EPHA4: variants seen among roughly 807,000 people sequenced by gnomAD.
EPHA4 encodes the protein EPH receptor A4.
Under a neutral mutation model 108.3 loss-of-function variants are expected in EPHA4, and 19 were observed. The observed-to-expected ratio is 0.18, with a 90% CI of 0.12 to 0.26. The LOEUF (loss-of-function observed/expected upper bound fraction) is 0.26. EPHA4 is among the 10% of genes least tolerant of loss of function. The pLI is 1.00. For synonymous variants in EPHA4, 449 were observed against 455.5 expected (o/e 0.99, Z 0.18); for missense variants, 917 against 1,254.0 (o/e 0.73, Z 4.06).
chr2:221,457,989 T>C lies in EPHA4; in HGVS notation c.1320A>G (p.Ala440=). The C allele has an allele frequency of 6.2e-7, 1 of 1,606,892 alleles. No individual in the cohort carries two copies. The highest frequency in any genetic ancestry group is 8.5e-7 in the Non-Finnish European group (1 of 1,177,872). ...VSVTVTTNQA[A]PSSIALVQAK... ...CCTGGACCAAAGCAATGGATGATGG[T>C]GCTGTTAGAAAAAAACAAAAGACAA... is the stretch of plus-strand genomic sequence containing the variant. The change falls in exon 6 of 18, where the codon GCA becomes GCG. Residue 440 remains alanine (A), a splice_region_variant and synonymous_variant. Coordinates refer to ENST00000281821, the MANE Select transcript of EPHA4 (RefSeq NM_004438.5).
chr2:221,522,735 CTATT>C (rs1693198870), intron 3 of EPHA4, among the ~76,000 whole-genome samples: 1 of 148,666 alleles, frequency 6.7e-6, no homozygotes, highest in Non-Finnish European at 1.5e-5. Context: ...AAATAAAATC[CTATT>C]ATTATTATTA....
chr2:221,522,805 C>A (rs1360930735), intron 3 of EPHA4, among the ~76,000 whole-genome samples: 1 of 151,256 alleles, frequency 6.6e-6, no homozygotes, highest in Non-Finnish European at 1.5e-5. Flanking sequence ...CTCAGTTGCC[C>A]AGGCTGGAGT....
chr2:221,554,892 A>G (rs1427823145), intron 3 of EPHA4, among the ~76,000 whole-genome samples: 2 of 152,154 alleles, frequency 1.3e-5, no homozygotes, highest in African/African-American at 2.4e-5. Context: ...GAGCTCTGAC[A>G]ATTCTTTTTC....
intron 3 of EPHA4, among the ~76,000 whole-genome samples, chr2:221,538,058 C>T (rs545553767): frequency 9.8e-6 from 1 of 101,750 alleles, no homozygotes; most frequent in Non-Finnish European, 2.0e-5. Context: ...AGTATACTGC[C>T]CAGCAAAACT....
intron 5 of EPHA4, 79 bp from the exon 6 acceptor site, chr2:221,458,069 A>G: frequency 2.0e-6 from 3 of 1,536,208 alleles, no homozygotes; most frequent in Non-Finnish European, 2.6e-6. Context: ...AAATAATTTC[A>G]TCTTATTTAA....
chr2:221,456,589 C>T (rs1016875417), intron 7 of EPHA4, 24 bp downstream of exon 7: 1 of 1,610,580 alleles, frequency 6.2e-7, no homozygotes, highest in Non-Finnish European at 8.5e-7. Flanking sequence ...TCAGAAGTGA[C>T]TGAGTCTGGG....
chr2:221,437,322 G>C (rs1690270703), intron 11 of EPHA4, 200 bp from the exon 12 acceptor site: 1 of 487,208 alleles, frequency 2.1e-6, no homozygotes, highest in Non-Finnish European at 3.6e-6. Context: ...ATTCCATCTG[G>C]ATAGTTAAAC....
intron 3 of EPHA4, among the ~76,000 whole-genome samples, chr2:221,549,301 G>T (rs1161906722): frequency 6.6e-6 from 1 of 152,180 alleles, no homozygotes; most frequent in Admixed American, 6.5e-5. Flanking sequence ...TGTGAAAAAT[G>T]AAACTTTCCA....
In EPHA4 at chr2:221,492,871, T is replaced by C. The variant is rs541479656; in HGVS notation, c.979+8146A>G. Among the ~76,000 whole-genome samples, 14 of 152,330 alleles carry C rather than the reference T, an allele frequency of 9.2e-5. 1 individual carries two copies. The South Asian group carries it at 2.9e-3, about 32-fold the overall frequency. On this transcript the variant is annotated intron_variant, in intron 4 of 17. Transcript: ENST00000281821. ...GTTGGTGTCTCAATCTGAGTTTTTG[T>C]CCTATGACAAATGGAATGCAGTATG...
At chr2:221,426,943 C>T (rs908077487) in intron 15 of EPHA4, among the ~76,000 whole-genome samples, 1 of 152,176 alleles carries the variant, frequency 6.6e-6, no homozygotes, top group African/African-American at 2.4e-5. Flanking sequence ...ATGGCCGAAA[C>T]CTGTTCAATC....
intron 3 of EPHA4, among the ~76,000 whole-genome samples, chr2:221,558,026 C>T (rs533133485): frequency 4.6e-5 from 7 of 152,008 alleles, no homozygotes; most frequent in African/African-American, 9.7e-5. Flanking sequence ...CTACCAATAA[C>T]GAAAACATTA....
intron 5 of EPHA4, among the ~76,000 whole-genome samples, chr2:221,473,552 G>GGA (rs1691557709): frequency 1.8e-5 from 2 of 109,688 alleles, no homozygotes; most frequent in African/African-American, 6.9e-5. Context: ...GTGTTTAAAG[G>GGA]AAAAAAAAAA....
Position 221,425,891 on chromosome 2 carries a change from G to C in EPHA4, c.*137C>G, listed in dbSNP as rs939161160. The C allele has an allele frequency of 1.7e-5, 13 of 752,568 alleles. No homozygotes were observed. Among genetic ancestry groups the C allele is most frequent in the Non-Finnish European group, 2.9e-5 (13 of 446,244 alleles). The allele number at this position is 752,568 out of a possible 1,614,324, so 46.6% of individuals were successfully genotyped here. On this transcript the variant is annotated 3_prime_UTR_variant, in exon 17 of 18. Coordinates refer to ENST00000281821, the MANE Select transcript of EPHA4 (RefSeq NM_004438.5). ...TTCAGCAATCTGTGCACCAAGCAAC[G>C]CTGCAGATATTGTTTTTTTTTTTCA... is the stretch of plus-strand genomic sequence containing the variant.
Position 221,501,131 on chromosome 2 carries a change from T to C in EPHA4, c.865A>G (p.Thr289Ala), listed in dbSNP as rs1375509458. ...CTGTGGGGTGGGCACTTGGCACAGG[T>C]GGCATCCGTGGAGAGAGCCTTGTAA... ...GYYKALSTDA[T>A]CAKCPPHSYS... is the part of the protein sequence containing the mutation. Residue 289 changes from threonine (T) to alanine (A), a missense_variant, in exon 4 of 18, where the codon ACC becomes GCC. This residue lies in a region of EPHA4 where 758 missense variants were observed against 1,076.7 expected (regional missense o/e 0.70). Coordinates refer to ENST00000281821, the MANE Select transcript of EPHA4 (RefSeq NM_004438.5). 3.1e-6 allele frequency: 5 copies of C among 1,612,744 alleles called. No homozygotes were observed. The Admixed American group carries it at 5.0e-5, about 16-fold the overall frequency.
At chr2:221,422,295 G>A (rs1303204305) in intron 17 of EPHA4, among the ~76,000 whole-genome samples, 2 of 152,168 alleles carry the variant, frequency 1.3e-5, no homozygotes, top group Non-Finnish European at 2.9e-5. Context: ...GTATTTATGT[G>A]AAGTATGAGG....
At position 221,472,020 on chromosome 2, in the gene EPHA4, A is replaced by C. The variant is rs145681963; in HGVS notation, c.1318+10332T>G. ...AACCACACCCTCCTGGGAACCCTAT[A>C]GGATTGGGATTAGATTCATTGGGTT... On this transcript the variant is annotated intron_variant, in intron 5 of 17. Transcript: ENST00000281821. Among the ~76,000 whole-genome samples the C allele has an allele frequency of 2.3e-3, 348 of 152,314 alleles. 3 individuals are homozygous for C. Among genetic ancestry groups the C allele is most frequent in the African/African-American group, 8.0e-3 (334 of 41,580 alleles).
At chr2:221,555,771 G>A (rs961886746) in intron 3 of EPHA4, among the ~76,000 whole-genome samples, 2 of 152,164 alleles carry the variant, frequency 1.3e-5, no homozygotes, top group African/African-American at 4.8e-5. Context: ...TAAAACTAAA[G>A]GGAGCACTGA....
At chr2:221,494,960 T>C (rs1574610358) in intron 4 of EPHA4, among the ~76,000 whole-genome samples, 1 of 139,382 alleles carries the variant, frequency 7.2e-6, no homozygotes, top group Non-Finnish European at 1.5e-5. Context: ...ATGGCAGCCC[T>C]GAATGTGCAG....
At chr2:221,440,392 G>C (rs1690381662) in intron 11 of EPHA4, among the ~76,000 whole-genome samples, 1 of 152,162 alleles carries the variant, frequency 6.6e-6, no homozygotes, top group Non-Finnish European at 1.5e-5. Flanking sequence ...AAGCTGAACA[G>C]AGCCTCCTTT....
Sources: allele counts gnomAD v4.1 joint callset (sites outside exome capture counted in the v4.1 genomes callset), GRCh38; gene constraint gnomAD v4.1.1; regional missense constraint gnomAD v4.1.1; transcripts MANE v1.5; gene names NCBI Gene and HGNC (gene_info 2026-07-23, HGNC 2026-07-21).